Variants in NRXN3 observed in about 807,000 individuals in gnomAD.
NRXN3 encodes neurexin 3.
A neutral mutation model predicts 137.6 loss-of-function variants in NRXN3; 32 were observed. The ratio of observed to expected loss-of-function variants is 0.23; its 90% CI spans 0.18 to 0.31. NRXN3 has a LOEUF of 0.31. Ranked by LOEUF, NRXN3 falls within the 10% of genes least tolerant of loss-of-function variation. The pLI is 1.00. For synonymous variants in NRXN3, 798 were observed against 784.5 expected (o/e 1.02, Z -0.29); for missense variants, 1,574 against 2,062.5 (o/e 0.76, Z 4.59).
chr14:79,458,837 G>A (rs991304079), intron 15 of NRXN3, among the ~76,000 whole-genome samples: 1 of 152,050 alleles, frequency 6.6e-6, no homozygotes, highest in African/African-American at 2.4e-5. Context: ...ATCAGGAATG[G>A]ACTATTATCT....
intron 15 of NRXN3, among the ~76,000 whole-genome samples, chr14:79,139,827 C>T (rs1016408573): frequency 4.0e-5 from 6 of 151,752 alleles, no homozygotes; most frequent in Admixed American, 2.0e-4. Flanking sequence ...CTGAATTTAA[C>T]TCCACCTTTA....
Position 79,023,613 on chromosome 14 carries a change from G to T in NRXN3, c.3262+35472G>T, listed in dbSNP as rs146641512. Reference sequence around the variant, plus strand: ...TTTAATTGACTCACAGTTCTGCATTGCTGGGAAAGCCTCAGGAAACTTACA... The same window carrying T: ...TTTAATTGACTCACAGTTCTGCATTTCTGGGAAAGCCTCAGGAAACTTACA... On this transcript the variant is annotated intron_variant, in intron 15 of 20. Transcript: ENST00000335750. 7.7e-3 allele frequency among the ~76,000 whole-genome samples: 1,179 copies of T among 152,168 alleles called. 38 individuals carry two copies. Among genetic ancestry groups the T allele is most frequent in the Non-Finnish European group, 4.4e-3 (301 of 68,002 alleles).
chr14:78,793,243 C>T (rs2098810951), intron 8 of NRXN3, among the ~76,000 whole-genome samples: 1 of 151,992 alleles, frequency 6.6e-6, no homozygotes, highest in South Asian at 2.1e-4. Context: ...AAATAAAAGA[C>T]ATTACAATAA....
intron 2 of NRXN3, among the ~76,000 whole-genome samples, chr14:78,258,610 T>G (rs942252833): frequency 2.0e-5 from 3 of 152,088 alleles, no homozygotes; most frequent in Non-Finnish European, 4.4e-5. Context: ...ATCCATAAGA[T>G]AGACTATAGC....
At chr14:78,620,037 C>T (rs1295176945) in intron 4 of NRXN3, among the ~76,000 whole-genome samples, 1 of 152,090 alleles carries the variant, frequency 6.6e-6, no homozygotes, top group Non-Finnish European at 1.5e-5. Flanking sequence ...CTTAAGTCAC[C>T]CAGTCTATGG....
intron 20 of NRXN3, among the ~76,000 whole-genome samples, chr14:79,854,612 C>T (rs898915127): frequency 6.6e-6 from 1 of 152,112 alleles, no homozygotes; most frequent in African/African-American, 2.4e-5. Context: ...TTTTCACCAC[C>T]GTGTTTAAAG....
At chr14:79,667,454 A>C (rs1034118645) in intron 17 of NRXN3, among the ~76,000 whole-genome samples, 1 of 152,058 alleles carries the variant, frequency 6.6e-6, no homozygotes, top group Non-Finnish European at 1.5e-5. Flanking sequence ...GGTCATCTCC[A>C]CAGTCTTCTC....
chr14:79,276,321 TG>T (rs1407998536), intron 15 of NRXN3, among the ~76,000 whole-genome samples: 2 of 151,766 alleles, frequency 1.3e-5, no homozygotes, highest in Admixed American at 6.6e-5. Context: ...AAATTAACAG[TG>T]GGGTAAATTG....
intron 15 of NRXN3, among the ~76,000 whole-genome samples, chr14:79,358,621 GAAA>G (rs2093552565): frequency 7.2e-6 from 1 of 138,638 alleles, no homozygotes; most frequent in African/African-American, 2.6e-5. Context: ...AAGAAAGAAA[GAAA>G]GAAAGAAAGA....
At chr14:78,962,201 A>T (rs1382797531) in intron 11 of NRXN3, among the ~76,000 whole-genome samples, 7 of 152,192 alleles carry the variant, frequency 4.6e-5, no homozygotes, top group Non-Finnish European at 7.3e-5. Flanking sequence ...TCTACCATTT[A>T]CCACCTGCAT....
intron 10 of NRXN3, among the ~76,000 whole-genome samples, chr14:78,930,424 T>C (rs1196540758): frequency 6.6e-6 from 1 of 152,188 alleles, no homozygotes; most frequent in Non-Finnish European, 1.5e-5. Context: ...TATGGTATGT[T>C]AAGAAGGAGG....
chr14:78,634,457 A>G (rs149907622), intron 4 of NRXN3, among the ~76,000 whole-genome samples: 125 of 152,328 alleles, frequency 8.2e-4, no homozygotes, highest in African/African-American at 2.7e-3. Flanking sequence ...ACATCCATAA[A>G]TCAAATAACC....
rs1221162800 is a variant in NRXN3, at chr14:79,828,654, T to C, written c.4093+23464T>C. Among the ~76,000 whole-genome samples the C allele has an allele frequency of 8.0e-3, 12 of 1,502 alleles. No individual in the cohort carries two copies. In the East Asian group the frequency reaches 0.43, roughly 54 times the overall value. 1.0% of individuals were successfully genotyped at this position (1,502 alleles called of 152,430 possible). On this transcript the variant is annotated intron_variant, in intron 20 of 20. Coordinates refer to ENST00000335750, the MANE Select transcript of NRXN3 (RefSeq NM_001330195.2). ...AAAAAAAAAAAAGTAAAATTGTCTT[T>C]TTTTTTTTTTTTGCGTACCAAATCC...
chr14:79,738,073 C>G (rs1247395762), intron 19 of NRXN3, among the ~76,000 whole-genome samples: 1 of 152,090 alleles, frequency 6.6e-6, no homozygotes, highest in Non-Finnish European at 1.5e-5. Context: ...GGGGATCTAG[C>G]TGGGAATGTC....
chr14:78,545,811 C>G (rs1277915625), intron 4 of NRXN3, among the ~76,000 whole-genome samples: 2 of 152,168 alleles, frequency 1.3e-5, no homozygotes, highest in Non-Finnish European at 2.9e-5. Flanking sequence ...AGGAACTCTA[C>G]TTTCTGGAAT....
At chr14:78,744,577 A>G (rs763956671) in intron 8 of NRXN3, 3 of 152,206 alleles carry the variant, frequency 2.0e-5, no homozygotes, top group Non-Finnish European at 4.4e-5. Context: ...CATTATTCCC[A>G]TTTTATAGAT....
intron 15 of NRXN3, among the ~76,000 whole-genome samples, chr14:79,341,651 G>C (rs1425223945): frequency 6.6e-6 from 1 of 152,138 alleles, no homozygotes; most frequent in East Asian, 1.9e-4. Context: ...AGAGAATCAG[G>C]TCAGTGGTCA....
intron 8 of NRXN3, among the ~76,000 whole-genome samples, chr14:78,717,548 G>A (rs1472509619): frequency 6.6e-6 from 1 of 151,750 alleles, no homozygotes; most frequent in Admixed American, 6.5e-5. Flanking sequence ...AATCAGTGGA[G>A]TGTAAAAATT....
At chr14:79,083,721 C>A (rs766558417) in intron 15 of NRXN3, among the ~76,000 whole-genome samples, 28 of 152,112 alleles carry the variant, frequency 1.8e-4, no homozygotes, top group Non-Finnish European at 3.7e-4. Context: ...TGGAAAATTT[C>A]TAGAATCTTG....
Sources: allele counts gnomAD v4.1 joint callset (sites outside exome capture counted in the v4.1 genomes callset), GRCh38; gene constraint gnomAD v4.1.1; transcripts MANE v1.5; gene names NCBI Gene and HGNC (gene_info 2026-07-23, HGNC 2026-07-21).